Variants in USP47 observed in about 807,000 individuals in gnomAD.
USP47 encodes the protein ubiquitin carboxyl-terminal hydrolase 47.
A neutral mutation model predicts 165.1 loss-of-function variants in USP47; 35 were observed. The ratio of observed to expected loss-of-function variants is 0.21; its 90% CI spans 0.16 to 0.28. The LOEUF (loss-of-function observed/expected upper bound fraction) is 0.28. USP47 is among the 10% of genes least tolerant of loss of function. USP47 has a pLI of 1.00. For missense variants in USP47, 1,277 were observed against 1,607.4 expected, an observed-to-expected ratio of 0.79 and a Z score of 3.52; for synonymous variants, 531 against 544.5, an observed-to-expected ratio of 0.98 and a Z score of 0.35.
At chr11:11,929,951 A>T in intron 12 of USP47, 93 bp from the exon 13 acceptor site, 1 of 1,046,750 alleles carries the variant, frequency 9.6e-7, no homozygotes, top group South Asian at 1.4e-5. Flanking sequence ...CTTTGATAGC[A>T]TTTAACTCTG....
chr11:11,935,518 C>T (rs1045332925), intron 16 of USP47, among the ~76,000 whole-genome samples: 1 of 150,980 alleles, frequency 6.6e-6, no homozygotes, highest in Non-Finnish European at 1.5e-5. Flanking sequence ...TCTTATATGC[C>T]AAAAATAGAG....
At position 11,842,017 on chromosome 11, in the gene USP47, G is replaced by C. The variant is rs1848146374; in HGVS notation, c.-169G>C. ...CGGCGGCGGCGGCGGCGGAGCCCTG[G>C]GTCGGTGTCTGCGCGCTGGTGTCTG... is the stretch of plus-strand genomic sequence containing the variant. On this transcript the variant is annotated 5_prime_UTR_variant, in exon 1 of 28. Coordinates refer to ENST00000527733, the MANE Select transcript of USP47 (RefSeq NM_001282659.2). 5 of 735,114 alleles carry C rather than the reference G, an allele frequency of 6.8e-6. No individual in the cohort carries two copies. Among genetic ancestry groups the C allele is most frequent in the Non-Finnish European group, 1.1e-5 (5 of 472,620 alleles). The allele number at this position is 735,114 out of a possible 1,614,324, so 45.5% of individuals were successfully genotyped here.
intron 1 of USP47, among the ~76,000 whole-genome samples, chr11:11,872,460 G>A (rs534583910): frequency 8.5e-5 from 13 of 152,306 alleles, no homozygotes; most frequent in African/African-American, 2.4e-4. Context: ...CCTACTTTAC[G>A]TAGGGAAGCA....
At chr11:11,872,760 G>A (rs377470587) in intron 1 of USP47, among the ~76,000 whole-genome samples, 20 of 152,222 alleles carry the variant, frequency 1.3e-4, no homozygotes, top group East Asian at 3.9e-4. Context: ...CTAAAAATGC[G>A]TACATATACT....
chr11:11,853,019 G>A (rs1848812892), intron 1 of USP47, among the ~76,000 whole-genome samples: 1 of 152,046 alleles, frequency 6.6e-6, no homozygotes, highest in Non-Finnish European at 1.5e-5. Context: ...GAATAATTAG[G>A]ATTCTTGCCT....
intron 8 of USP47, among the ~76,000 whole-genome samples, chr11:11,919,550 T>A (rs1222420463): frequency 6.6e-6 from 1 of 151,878 alleles, no homozygotes; most frequent in Non-Finnish European, 1.5e-5. Context: ...CACGTGGTTC[T>A]ACCAAATTAA....
Position 11,942,665 on chromosome 11 carries a change from A to G in USP47, c.2644A>G (p.Thr882Ala), listed in dbSNP as rs1459546015. The change falls in exon 20 of 28, where the codon ACA becomes GCA. Residue 882 changes from threonine to alanine, a missense_variant. This residue lies in a region of USP47 where 909 missense variants were observed against 1,068.1 expected (regional missense o/e 0.85). Transcript: ENST00000527733. ...TGGGGACAGCAGCAAAAGTACTGAG[A>G]CAAGTGACTTTGAAAACATCGAATC... Reference protein sequence around the residue: ...DNGDSSKSTETSDFENIESPL... With the variant: ...DNGDSSKSTEASDFENIESPL... 1 of 1,613,566 alleles carries G rather than the reference A, an allele frequency of 6.2e-7. No homozygotes were observed. Among genetic ancestry groups the G allele is most frequent in the East Asian group, 2.2e-5 (1 of 44,856 alleles).
intron 1 of USP47, chr11:11,873,868 C>A: frequency 6.8e-7 from 1 of 1,466,518 alleles, no homozygotes; most frequent in Non-Finnish European, 9.0e-7. Context: ...AGGTAGACTG[C>A]TGATGTAATT....
At chr11:11,934,550 A>G (rs34924285) in intron 16 of USP47, among the ~76,000 whole-genome samples, 11,915 of 152,172 alleles carry the variant, frequency 0.078, 693 homozygotes, top group East Asian at 0.3. Context: ...AAGGAAGAAT[A>G]TTCGAAGTAG....
At position 11,947,997 on chromosome 11, in the gene USP47, T is replaced by G. The variant is rs1855957672; in HGVS notation, c.3144T>G (p.His1048Gln). 1 of 1,613,656 alleles carries G rather than the reference T, an allele frequency of 6.2e-7. No homozygotes were observed. The highest frequency in any genetic ancestry group is 1.7e-5 in the Admixed American group (1 of 59,952). ...KRITLAAFKQ[H>Q]LEPFVGVLSS... ...TTACTCTGGCAGCTTTCAAACAACA[T>G]TTAGAGCCCTTTGTTGGAGTTTTGT... Residue 1048 changes from histidine to glutamine, a missense_variant, in exon 21 of 28, where the codon CAT becomes CAG. Around this residue, in one of 4 missense-constraint regions of USP47, gnomAD observed 909 missense variants for 1,068.1 expected, o/e 0.85. Coordinates refer to ENST00000527733, the MANE Select transcript of USP47 (RefSeq NM_001282659.2).
At chr11:11,885,140 T>C (rs1309882671) in intron 3 of USP47, among the ~76,000 whole-genome samples, 1 of 152,218 alleles carries the variant, frequency 6.6e-6, no homozygotes, top group Admixed American at 6.5e-5. Context: ...AGATATCTAA[T>C]GCAGTATCTC....
At chr11:11,908,504 T>G (rs967960691) in intron 8 of USP47, among the ~76,000 whole-genome samples, 1 of 151,994 alleles carries the variant, frequency 6.6e-6, no homozygotes, top group Admixed American at 6.6e-5. Context: ...ATCTTTATGG[T>G]CAAATAAATT....
intron 11 of USP47, among the ~76,000 whole-genome samples, chr11:11,924,133 T>C (rs879937509): frequency 6.6e-6 from 1 of 152,238 alleles, no homozygotes; most frequent in Non-Finnish European, 1.5e-5. Context: ...TGATGTTGAC[T>C]TTCAGTTTTT....
chr11:11,918,534 T>G (rs967607650), intron 8 of USP47, among the ~76,000 whole-genome samples: 1 of 152,108 alleles, frequency 6.6e-6, no homozygotes, highest in African/African-American at 2.4e-5. Context: ...AGGCAAAGCA[T>G]GATGAGGTGT....
intron 2 of USP47, among the ~76,000 whole-genome samples, chr11:11,882,118 C>T (rs1470025641): frequency 6.6e-6 from 1 of 152,126 alleles, no homozygotes; most frequent in Non-Finnish European, 1.5e-5. Flanking sequence ...ACTTATGTCA[C>T]CTTCTAGTTC....
In USP47 at chr11:11,942,984, C is replaced by T. The variant is rs1250563247; in HGVS notation, c.2963C>T (p.Thr988Ile). 6.2e-7 allele frequency: 1 copy of T among 1,613,480 alleles called. No individual in the cohort carries two copies. Among genetic ancestry groups the T allele is most frequent in the Admixed American group, 1.7e-5 (1 of 59,916 alleles). ...GAAGGGAAAAAAGAAACATGGGATA[C>T]AGCAGAAGAAGACTCTGGAACTGAT... The part of the protein sequence containing the change: ...ANEGKKETWD[T>I]AEEDSGTDSE... Residue 988 changes from threonine (T) to isoleucine (I), a missense_variant, in exon 20 of 28, where the codon ACA becomes ATA. Coordinates refer to ENST00000527733, the MANE Select transcript of USP47 (RefSeq NM_001282659.2).
chr11:11,844,435 T>C (rs1848314782), intron 1 of USP47, among the ~76,000 whole-genome samples: 1 of 152,174 alleles, frequency 6.6e-6, no homozygotes, highest in Non-Finnish European at 1.5e-5. Context: ...GAAAGCATAA[T>C]CATCATCTAA....
At chr11:11,906,194 A>G (rs1852552725) in intron 8 of USP47, among the ~76,000 whole-genome samples, 1 of 152,118 alleles carries the variant, frequency 6.6e-6, no homozygotes, top group African/African-American at 2.4e-5. Context: ...ATCTATACAT[A>G]TGTGTATTTA....
At chr11:11,892,552 A>G (rs1851598546) in intron 4 of USP47, among the ~76,000 whole-genome samples, 2 of 151,520 alleles carry the variant, frequency 1.3e-5, no homozygotes, top group South Asian at 2.1e-4. Context: ...GCTAACACCT[A>G]TAATCCCAGC....
Sources: gnomAD v4.1 joint callset for allele counts (sites outside exome capture counted in the v4.1 genomes callset) on GRCh38, gnomAD v4.1.1 for gene constraint, gnomAD v4.1.1 regional missense constraint, MANE v1.5 for transcripts, NCBI Gene and HGNC (gene_info 2026-07-23, HGNC 2026-07-21) for gene names.